The following TMEM223 variants were observed in gnomAD, a reference collection of about 807,000 sequenced individuals.
The protein encoded by TMEM223 is transmembrane protein 223.
TMEM223 carries 14 observed loss-of-function variants against 14.1 expected under a neutral mutation model. That is an observed-to-expected ratio of 0.99 (90% confidence interval 0.66 to 1.55). The LOEUF is 1.55. TMEM223 is among the 40% of genes most tolerant of loss of function. The pLI is 0.00. For missense variants in TMEM223, 346 were observed against 269.9 expected (o/e 1.28, Z -1.97); for synonymous variants, 145 against 120.5 (o/e 1.20, Z -1.33).
At chr11:62,787,666 C>G (rs2084303535), downstream of TMEM223, 5 of 1,143,068 alleles carry the variant, frequency 4.4e-6, no homozygotes, top group Non-Finnish European at 1.2e-6. Context: ...CCGGCCTGTA[C>G]CTGAAATGCA....
downstream of TMEM223, chr11:62,789,899 T>A: frequency 6.2e-7 from 1 of 1,613,628 alleles, no homozygotes; most frequent in Admixed American, 1.7e-5. Context: ...TCTTCTTGGG[T>A]GAATTTGGTA....
chr11:62,780,807 T>C lies in TMEM223; in HGVS notation c.315-6142A>G, dbSNP rs892770950. Among the ~76,000 whole-genome samples, 3 of 149,308 alleles carry C rather than the reference T, an allele frequency of 2.0e-5. No homozygotes were observed. In the Admixed American group the frequency reaches 2.0e-4, roughly 10 times the overall value. On this transcript the variant is annotated intron_variant, in intron 1 of 2. Transcript: ENST00000528367. ...AGAAAATTAGCCGGGCTTGGTGGCA[T>C]GCGTCTGTAATCCTAGCTACTTGCG... is the stretch of plus-strand genomic sequence containing the variant.
At chr11:62,782,271 C>A (rs1044906786) in intron 1 of TMEM223, 1 of 1,614,188 alleles carries the variant, frequency 6.2e-7, no homozygotes. Context: ...CCTCCATCAA[C>A]CCCCTGAATG....
At position 62,781,938 on chromosome 11, in the gene TMEM223, C is replaced by T. The variant is rs760114599; in HGVS notation, c.315-7273G>A. The T allele has an allele frequency of 5.3e-5, 85 of 1,613,998 alleles. No homozygotes were observed. The South Asian group carries it at 9.3e-4, about 18-fold the overall frequency. ...AGACGAACTCCAAGATTGGGGCACTCCTGCCTTACTTTGTTTATGTGGTCA... is the reference window on the plus strand; with the variant it reads ...AGACGAACTCCAAGATTGGGGCACTTCTGCCTTACTTTGTTTATGTGGTCA... On this transcript the variant is annotated intron_variant, in intron 1 of 2. Coordinates refer to the TMEM223 transcript ENST00000528367.
At position 62,791,941 on chromosome 11, in the gene TMEM223, G is replaced by T; in HGVS notation, c.54C>A (p.Pro18=). Residue 18 remains proline (P), a synonymous_variant, in exon 1 of 2, where the codon CCC becomes CCA. Transcript: ENST00000307366. ...WPTGLLAVLR[P]LLTCRPLQGT... ...CTTGCAGGGGCCGGCAGGTGAGCAG[G>T]GGCCGCAGCACGGCTAGCAGCCCCG... The T allele has an allele frequency of 6.3e-7, 1 of 1,591,994 alleles. No homozygotes were observed. The highest frequency in any genetic ancestry group is 2.3e-5 in the East Asian group (1 of 43,942).
At chr11:62,785,252 C>T (rs2084261685), downstream of TMEM223, among the ~76,000 whole-genome samples, 1 of 151,122 alleles carries the variant, frequency 6.6e-6, no homozygotes, top group African/African-American at 2.4e-5. Flanking sequence ...AGTGCAATGG[C>T]GCGACCTCGG....
At chr11:62,788,357 C>T (rs1342471517), downstream of TMEM223, among the ~76,000 whole-genome samples, 1 of 148,894 alleles carries the variant, frequency 6.7e-6, no homozygotes, top group Non-Finnish European at 1.5e-5. Flanking sequence ...GAGTCGAGAT[C>T]GTGCCATTGC....
chr11:62,782,824 A>G, downstream of TMEM223: 1 of 1,614,028 alleles, frequency 6.2e-7, no homozygotes, highest in Non-Finnish European at 8.5e-7. Flanking sequence ...CTTGGCTGGA[A>G]GGTGAGCACC....
intron 2 of TMEM223, among the ~76,000 whole-genome samples, chr11:62,772,290 G>A (rs1482298674): frequency 6.6e-6 from 1 of 152,098 alleles, no homozygotes; most frequent in East Asian, 1.9e-4. Context: ...GGGAGGCCGA[G>A]GCACCTGGAT....
chr11:62,789,853 C>G (rs747955271), downstream of TMEM223: 3 of 1,600,886 alleles, frequency 1.9e-6, no homozygotes, highest in Non-Finnish European at 2.6e-6. Flanking sequence ...GAAATGGTCC[C>G]ACTCCTGACG....
intron 1 of TMEM223, among the ~76,000 whole-genome samples, chr11:62,774,912 T>G (rs1355499057): frequency 2.5e-5 from 3 of 121,532 alleles, no homozygotes; most frequent in African/African-American, 9.9e-5. Context: ...AAAAAAAAAT[T>G]TAGCCATCCG....
chr11:62,788,676 C>A (rs867689892), downstream of TMEM223, among the ~76,000 whole-genome samples: 607 of 122,072 alleles, frequency 5.0e-3, no homozygotes, highest in Middle Eastern at 0.017. Flanking sequence ...TGCACTCCAG[C>A]AAAAAAAAAA....
chr11:62,782,179 C>T (rs759238822), intron 1 of TMEM223: 17 of 1,613,910 alleles, frequency 1.1e-5, no homozygotes, highest in African/African-American at 4.0e-5. Flanking sequence ...GAGCCTATTT[C>T]GTAATCCGCA....
downstream of TMEM223, chr11:62,786,930 C>A: frequency 6.8e-7 from 1 of 1,477,334 alleles, no homozygotes; most frequent in Non-Finnish European, 8.9e-7. Context: ...GCGACGAGAG[C>A]CCCCGGGGCA....
At chr11:62,773,440 G>A (rs1301365480) in intron 2 of TMEM223, among the ~76,000 whole-genome samples, 1 of 149,838 alleles carries the variant, frequency 6.7e-6, no homozygotes, top group Non-Finnish European at 1.5e-5. Flanking sequence ...CACTGCGCCC[G>A]GCCTACAATT....
At chr11:62,787,770 A>G (rs2241908), downstream of TMEM223, 259,394 of 685,674 alleles carry the variant, frequency 0.38, 54,289 homozygotes, top group South Asian at 0.6. Flanking sequence ...GTCTTAAAGC[A>G]CTAGGTGGAG....
chr11:62,772,844 T>C (rs1256338186), intron 2 of TMEM223, among the ~76,000 whole-genome samples: 1 of 149,670 alleles, frequency 6.7e-6, no homozygotes, highest in African/African-American at 2.5e-5. Context: ...TTCTTTCTTT[T>C]AGAAGATCTT....
chr11:62,787,057 C>A (rs1445594761), downstream of TMEM223: 6 of 1,524,820 alleles, frequency 3.9e-6, no homozygotes, highest in African/African-American at 1.4e-5. Context: ...GACCGGCACC[C>A]GCGACGTTTT....
At chr11:62,772,170 T>A in intron 2 of TMEM223, 1 of 456,200 alleles carries the variant, frequency 2.2e-6, no homozygotes, top group Non-Finnish European at 4.4e-6. Context: ...TATCTTATTA[T>A]TGAGAATATA....
Sources: gnomAD v4.1 joint callset for allele counts (sites outside exome capture counted in the v4.1 genomes callset) on GRCh38, gnomAD v4.1.1 for gene constraint, MANE v1.5 for transcripts, NCBI Gene and HGNC (gene_info 2026-07-23, HGNC 2026-07-21) for gene names.